The following SLC12A4 variants were observed in gnomAD, a reference collection of about 807,000 sequenced individuals.
SLC12A4 encodes the protein solute carrier family 12 member 4.
SLC12A4 carries 84 observed loss-of-function variants against 119.2 expected under a neutral mutation model. The ratio of observed to expected loss-of-function variants is 0.70; its 90% CI spans 0.59 to 0.85. The LOEUF (loss-of-function observed/expected upper bound fraction) is 0.85, where lower values mean the gene tolerates loss of function less well. SLC12A4 is among the 40% of genes least tolerant of loss of function. The pLI, the probability that SLC12A4 is intolerant of heterozygous loss-of-function variation, is 0.00. For synonymous variants in SLC12A4, 599 were observed against 604.6 expected (o/e 0.99, Z 0.14); for missense variants, 1,298 against 1,476.3 (o/e 0.88, Z 1.98).
At position 67,944,230 on chromosome 16, in the gene SLC12A4, G is replaced by A. The variant is rs1005597574; in HGVS notation, c.*610C>T. The A allele has an allele frequency of 9.0e-6, 13 of 1,448,388 alleles. No homozygotes were observed. Among genetic ancestry groups the A allele is most frequent in the South Asian group, 4.2e-5 (3 of 71,368 alleles). 89.7% of individuals were successfully genotyped at this position (1,448,388 alleles called of 1,614,324 possible). ...GTGGGGGTTGTGGCCAGAGATTGCC[G>A]GAAAGGGGCACAGCCTCAGGGAGCC... On this transcript the variant is annotated 3_prime_UTR_variant, in exon 24 of 24. Transcript: ENST00000316341. This position sits in a 1 kb window ranked among gnomAD's most constrained non-coding sequence, Gnocchi z 6.6.
intron 16 of SLC12A4, 54 bp from the exon 17 acceptor site, chr16:67,947,159 C>T: frequency 6.5e-7 from 1 of 1,537,264 alleles, no homozygotes. Context: ...TTCTAGGGAG[C>T]CCCTCCTCTT....
chr16:67,945,645 T>C (rs1375638870), intron 21 of SLC12A4, 92 bp from the exon 22 acceptor site: 3 of 1,512,338 alleles, frequency 2.0e-6, no homozygotes, highest in Admixed American at 1.8e-5. Context: ...CTCCGGGAAA[T>C]GAGCACTAGC....
Position 67,951,551 on chromosome 16 carries a change from G to C in SLC12A4, c.1133-247C>G, listed in dbSNP as rs2029906201. 1.6e-6 allele frequency: 1 copy of C among 609,684 alleles called. No individual in the cohort carries two copies. Among genetic ancestry groups the C allele is most frequent in the Non-Finnish European group, 2.9e-6 (1 of 347,216 alleles). The allele number at this position is 609,684 out of a possible 1,614,324, so 37.8% of individuals were successfully genotyped here. A position where few individuals can be genotyped will look rare whatever the true frequency, so the allele number is the denominator to read the frequency against. On this transcript the variant is annotated intron_variant, in intron 8 of 23. Coordinates refer to ENST00000316341, the MANE Select transcript of SLC12A4 (RefSeq NM_005072.5). This position sits in a 1 kb window ranked among gnomAD's most constrained non-coding sequence, Gnocchi z 5.2. The stretch of plus-strand genomic sequence containing the variant: ...CCCGCCACTGCCCGCCTTCCACAGA[G>C]GCCTTTATGGATCCTGTGGGAACAT...
chr16:67,965,608 T>C (rs886452564), intron 1 of SLC12A4, among the ~76,000 whole-genome samples: 3 of 152,232 alleles, frequency 2.0e-5, no homozygotes, highest in African/African-American at 4.8e-5. Context: ...ACTCATGTAC[T>C]ACAGCCTGCC....
chr16:67,950,432 C>T lies in SLC12A4; in HGVS notation c.1516G>A (p.Val506Ile), dbSNP rs762703253. 1 of 1,613,896 alleles carries T rather than the reference C, an allele frequency of 6.2e-7. No homozygotes were observed. Among genetic ancestry groups the T allele is most frequent in the African/African-American group, 1.3e-5 (1 of 74,912 alleles). Residue 506 changes from valine (V) to isoleucine (I), a missense_variant, in exon 12 of 24, where the codon GTC becomes ATC. Physicochemically the swap from Val to Ile is conservative, Grantham distance 29. Coordinates refer to ENST00000316341, the MANE Select transcript of SLC12A4 (RefSeq NM_005072.5). The surrounding 1 kb of genome is among the most constrained non-coding windows in gnomAD (Gnocchi z 4.3). The stretch of plus-strand genomic sequence containing the variant: ...GAAAAGAAGGAGCCGATGACGATGA[C>T]CCAGGGTGAAGGCCAGGCCAGTGTG... ...VGTLAWPSPW[V>I]IVIGSFFSTC...
chr16:67,967,416 G>A (rs545461747), intron 1 of SLC12A4, among the ~76,000 whole-genome samples: 1 of 152,270 alleles, frequency 6.6e-6, no homozygotes. Flanking sequence ...CAGGAAACAG[G>A]GGCTGTGAGA....
In SLC12A4 at chr16:67,945,527, C is replaced by A; in HGVS notation, c.2874G>T (p.Ser958=). 6.2e-7 allele frequency: 1 copy of A among 1,613,864 alleles called. No homozygotes were observed. Among genetic ancestry groups the A allele is most frequent in the African/African-American group, 1.3e-5 (1 of 75,038 alleles). ...AGTACAGGCTCTCCAGCCGCAGGGCCGAGTGCCGATCCTTGACCAGCTGGG... is the reference window on the plus strand; with the variant it reads ...AGTACAGGCTCTCCAGCCGCAGGGCAGAGTGCCGATCCTTGACCAGCTGGG... ...REAQLVKDRH[S]ALRLESLYSD... The change falls in exon 22 of 24, where the codon TCG becomes TCT. Residue 958 remains serine, a synonymous_variant. Coordinates refer to ENST00000316341, the MANE Select transcript of SLC12A4 (RefSeq NM_005072.5).
intron 1 of SLC12A4, chr16:67,966,893 C>G: frequency 6.7e-7 from 1 of 1,490,300 alleles, no homozygotes; most frequent in Non-Finnish European, 9.0e-7. Context: ...AATGTAGCTC[C>G]AGGTCCCTCC....
Position 67,968,603 on chromosome 16 carries a change from T to A in SLC12A4, c.-50A>T. 7.3e-7 allele frequency: 1 copy of A among 1,363,548 alleles called. No homozygotes were observed. Among genetic ancestry groups the A allele is most frequent in the Non-Finnish European group, 9.5e-7 (1 of 1,049,052 alleles). The allele number at this position is 1,363,548 out of a possible 1,614,324, so 84.5% of individuals were successfully genotyped here. On this transcript the variant is annotated 5_prime_UTR_variant, in exon 1 of 24. Transcript: ENST00000316341. ...CCGCCGTCCCAGCCGCCCGCCGCTG[T>A]CCCCGCCGCTGTCCCCGCCGCCCCG...
At chr16:67,948,583 T>TG (rs2058378426) in intron 13 of SLC12A4, among the ~76,000 whole-genome samples, 1 of 152,030 alleles carries the variant, frequency 6.6e-6, no homozygotes, top group African/African-American at 2.4e-5. Context: ...CAGAGATACT[T>TG]AAGAGTCACT....
rs763880407 is a variant in SLC12A4, at chr16:67,946,213, A to G, written c.2565T>C (p.Gly855=). 2 of 1,613,904 alleles carry G rather than the reference A, an allele frequency of 1.2e-6. No individual in the cohort carries two copies. Among genetic ancestry groups the G allele is most frequent in the Non-Finnish European group, 1.7e-6 (2 of 1,180,018 alleles). Residue 855 remains glycine (G), a synonymous_variant, in exon 19 of 24, where the codon GGT becomes GGC. Coordinates refer to ENST00000316341, the MANE Select transcript of SLC12A4 (RefSeq NM_005072.5). The part of the protein sequence containing the change: ...HIDVWWIVHD[G]GMLMLLPFLL... Reference sequence around the variant, plus strand: ...GGAAGGGCAGAAGCATGAGCATGCCACCATCGTGCACGATCCACCACACGT... The same window carrying G: ...GGAAGGGCAGAAGCATGAGCATGCCGCCATCGTGCACGATCCACCACACGT...
intron 14 of SLC12A4, 97 bp downstream of exon 14, chr16:67,947,964 C>G: frequency 6.7e-7 from 1 of 1,490,660 alleles, no homozygotes; most frequent in Non-Finnish European, 9.4e-7. Flanking sequence ...TCCCTCCCCA[C>G]AGTGTTTCAA....
chr16:67,952,466 T>C, intron 6 of SLC12A4, 41 bp from the exon 7 acceptor site: 1 of 1,606,698 alleles, frequency 6.2e-7, no homozygotes, highest in Non-Finnish European at 8.5e-7. Flanking sequence ...TATTTCTTAT[T>C]TGGAAAGTGA....
chr16:67,956,146 C>T lies in SLC12A4; in HGVS notation c.545-1373G>A, dbSNP rs568793498. Among the ~76,000 whole-genome samples, 6 of 152,102 alleles carry T rather than the reference C, an allele frequency of 3.9e-5. No homozygotes were observed. In the South Asian group the frequency reaches 1.2e-3, roughly 32 times the overall value. Reference sequence around the variant, plus strand: ...GAGCTGAGATCGTGCCACTGCACTCCAGCCTGGGCGACACACTCCGTCTCA... The same window carrying T: ...GAGCTGAGATCGTGCCACTGCACTCTAGCCTGGGCGACACACTCCGTCTCA... On this transcript the variant is annotated intron_variant, in intron 5 of 23. Coordinates refer to ENST00000316341, the MANE Select transcript of SLC12A4 (RefSeq NM_005072.5).
At position 67,945,839 on chromosome 16, in the gene SLC12A4, C is replaced by G. The variant is rs765864029; in HGVS notation, c.2772G>C (p.Glu924Asp). The change falls in exon 21 of 24, where the codon GAG (glutamate) becomes GAC (aspartate). Residue 924 changes from glutamate (E) to aspartate (D), a missense_variant. Coordinates refer to ENST00000316341, the MANE Select transcript of SLC12A4 (RefSeq NM_005072.5). ...HNSDISAYTY[E>D]RTLMMEQRSQ... Reference sequence around the variant, plus strand: ...ACCGCTGCTCCATCATCAGCGTCCGCTCGTAGGTGTATGCAGAGATGTCAC... The same window carrying G: ...ACCGCTGCTCCATCATCAGCGTCCGGTCGTAGGTGTATGCAGAGATGTCAC... 1.9e-6 allele frequency: 3 copies of G among 1,614,024 alleles called. No individual in the cohort carries two copies. The South Asian group carries it at 3.3e-5, about 18-fold the overall frequency.
rs1229638393 is a variant in SLC12A4 at position 67,961,069 on chromosome 16, A to G, written c.342+506T>C. On this transcript the variant is annotated intron_variant, in intron 3 of 23. Coordinates refer to ENST00000316341, the MANE Select transcript of SLC12A4 (RefSeq NM_005072.5). ...CAACACTCTTAGCCAGCCTCACACA[A>G]TGTCACTGATCTGGCATTTTGCATA... Among the ~76,000 whole-genome samples, 12 of 151,750 alleles carry G rather than the reference A, an allele frequency of 7.9e-5. 1 individual carries two copies. Among genetic ancestry groups the G allele is most frequent in the Non-Finnish European group, 1.2e-4 (8 of 67,948 alleles).
In SLC12A4 at chr16:67,950,973, G is replaced by A; in HGVS notation, c.1385C>T (p.Thr462Ile). ...PVGTILAIIT[T>I]SLVYFSSVVL... ...CTGGGAAAGGATACACACGAGGGAAGTTGTAATGATGGCCAGAATGGTCCC... is the reference window on the plus strand; with the variant it reads ...CTGGGAAAGGATACACACGAGGGAAATTGTAATGATGGCCAGAATGGTCCC... The change falls in exon 10 of 24, where the codon ACT becomes ATT. Residue 462 changes from threonine to isoleucine, a missense_variant. Physicochemically the swap from Thr to Ile is moderately conservative, Grantham distance 89 (BLOSUM62 -1). Transcript: ENST00000316341. The surrounding 1 kb of genome is among the most constrained non-coding windows in gnomAD (Gnocchi z 4.3). 3.7e-6 allele frequency: 6 copies of A among 1,613,818 alleles called. No homozygotes were observed. The highest frequency in any genetic ancestry group is 1.1e-5 in the South Asian group (1 of 91,088).
In SLC12A4 at chr16:67,947,696, A is replaced by G; in HGVS notation, c.1940T>C (p.Met647Thr). The G allele has an allele frequency of 6.3e-7, 1 of 1,596,782 alleles. No homozygotes were observed. The highest frequency in any genetic ancestry group is 2.3e-5 in the East Asian group (1 of 44,194). ...YALVAMLIAG[M>T]IYKYIEYQGA... ...TTGGTACTCGATGTATTTGTAGATCATGCCGGCGATGAGCATGGCCACCAG... is the reference window on the plus strand; with the variant it reads ...TTGGTACTCGATGTATTTGTAGATCGTGCCGGCGATGAGCATGGCCACCAG... Residue 647 changes from methionine (M) to threonine (T), a missense_variant, in exon 15 of 24, where the codon ATG becomes ACG. Met to Thr is a moderately conservative substitution (Grantham distance 81). Coordinates refer to ENST00000316341, the MANE Select transcript of SLC12A4 (RefSeq NM_005072.5).
At chr16:67,954,889 G>T in intron 5 of SLC12A4, 116 bp from the exon 6 acceptor site, 2 of 1,326,616 alleles carry the variant, frequency 1.5e-6, no homozygotes, top group Admixed American at 2.1e-5. Context: ...TCCTGTTTGT[G>T]GATGAGTAGA....
Sources: gnomAD v4.1 joint callset for allele counts (sites outside exome capture counted in the v4.1 genomes callset) on GRCh38, gnomAD v4.1.1 for gene constraint, Gnocchi (gnomAD v3.1) non-coding constraint, MANE v1.5 for transcripts, NCBI Gene and HGNC (gene_info 2026-07-23, HGNC 2026-07-21) for gene names.